The following MIA2 variants were observed in gnomAD, a reference collection of about 807,000 sequenced individuals.
The protein encoded by MIA2 is MIA SH3 domain ER export factor 2.
A neutral mutation model predicts 167.8 loss-of-function variants in MIA2; 127 were observed. The observed-to-expected ratio is 0.76, with a 90% CI of 0.66 to 0.88. The LOEUF is 0.88. Among genes scored for constraint, MIA2 ranks in the 40% least tolerant of loss-of-function variants. The probability of loss-of-function intolerance (pLI) is 0.00; values close to 1 mark genes in which losing one functional copy is unlikely to be tolerated. For missense variants in MIA2, 1,690 were observed against 1,624.7 expected, an observed-to-expected ratio of 1.04 and a Z score of -0.69; for synonymous variants, 552 against 541.9, an observed-to-expected ratio of 1.02 and a Z score of -0.26.
intron 6 of MIA2, among the ~76,000 whole-genome samples, chr14:39,274,794 T>G (rs2057704752): frequency 6.6e-6 from 1 of 151,316 alleles, no homozygotes; most frequent in South Asian, 2.1e-4. Flanking sequence ...TTTTATTTTA[T>G]TTTTTTAAAG....
In MIA2 at chr14:39,252,754, T is replaced by G. The variant is rs2054638026; in HGVS notation, c.1574T>G (p.Val525Gly). ...FKSSYSLSDM[V>G]SNIELPTRIH... ...TCTTTTTATTTATTTGTAGATATGG[T>G]CTCTAACATAGAGTTACCTACGAGA... Residue 525 changes from valine to glycine, a missense_variant, in exon 5 of 29, where the codon GTC becomes GGC. Coordinates refer to ENST00000640607, the MANE Select transcript of MIA2 (RefSeq NM_001329214.4). 1.9e-6 allele frequency: 3 copies of G among 1,604,264 alleles called. No individual in the cohort carries two copies. The East Asian group carries it at 6.7e-5, about 36-fold the overall frequency.
chr14:39,240,574 T>C lies in MIA2; in HGVS notation c.263T>C (p.Phe88Ser). The C allele has an allele frequency of 6.2e-7, 1 of 1,611,682 alleles. No individual in the cohort carries two copies. Among genetic ancestry groups the C allele is most frequent in the Non-Finnish European group, 8.5e-7 (1 of 1,178,146 alleles). ...TCATTTTGACAGAAAGGAAAGGAGT[T>C]TGGATATTTTCCCAGAGATGCAGTC... is the stretch of plus-strand genomic sequence containing the variant. ...DLWAGSKGKE[F>S]GYFPRDAVQI... The change falls in exon 3 of 29, where the codon TTT becomes TCT. Residue 88 changes from phenylalanine (F) to serine (S), a missense_variant. By Grantham distance (155) the Phe-to-Ser change is radical. Transcript: ENST00000640607.
intron 23 of MIA2, among the ~76,000 whole-genome samples, chr14:39,362,582 G>T (rs960485971): frequency 4.0e-5 from 6 of 151,316 alleles, no homozygotes; most frequent in Non-Finnish European, 8.8e-5. Context: ...TTTTTTCTTG[G>T]TTAGTCTAGC....
At chr14:39,256,155 G>A (rs573161226) in intron 6 of MIA2, among the ~76,000 whole-genome samples, 2 of 152,328 alleles carry the variant, frequency 1.3e-5, no homozygotes, top group South Asian at 4.1e-4. Flanking sequence ...GTTGGTTAGT[G>A]CTTGCTTACA....
rs185381778 is a variant in MIA2, at chr14:39,321,506, C to T, written c.3496+450C>T. Among the ~76,000 whole-genome samples the T allele has an allele frequency of 1.2e-3, 183 of 151,332 alleles. No individual in the cohort carries two copies. In the Middle Eastern group the frequency reaches 0.017, roughly 14 times the overall value. ...TTTTTTTTTGTATTTTTAGTAGAGACGGGGTTTCACCATGTTAGCCAGGAT... is the reference window on the plus strand; with the variant it reads ...TTTTTTTTTGTATTTTTAGTAGAGATGGGGTTTCACCATGTTAGCCAGGAT... On this transcript the variant is annotated intron_variant, in intron 24 of 28. Coordinates refer to ENST00000640607, the MANE Select transcript of MIA2 (RefSeq NM_001329214.4).
Position 39,298,541 on chromosome 14 carries a change from T to TG in MIA2, c.2497-1323_2497-1322insG, listed in dbSNP as rs1566804366. Among the ~76,000 whole-genome samples the TG allele has an allele frequency of 1.3e-4, 18 of 133,542 alleles. 1 individual carries two copies. The East Asian group carries it at 3.2e-3, about 24-fold the overall frequency. The allele number at this position is 133,542 out of a possible 152,430, so 87.6% of individuals were successfully genotyped here. On this transcript the variant is annotated intron_variant, in intron 13 of 28. Coordinates refer to ENST00000640607, the MANE Select transcript of MIA2 (RefSeq NM_001329214.4). ...TTTGGTAGAACAGAGTTTTTTTTTT[T>TG]TTTTTTTTTTTTTGTGAGCAACATG...
At chr14:39,365,157 C>A (rs1254360010) in intron 23 of MIA2, among the ~76,000 whole-genome samples, 1 of 152,032 alleles carries the variant, frequency 6.6e-6, no homozygotes. Flanking sequence ...CTTCCACCTC[C>A]CAAGTTCAAG....
At chr14:39,339,930 C>T (rs188118539) in intron 25 of MIA2, among the ~76,000 whole-genome samples, 90 of 152,302 alleles carry the variant, frequency 5.9e-4, no homozygotes, top group African/African-American at 2.1e-3. Flanking sequence ...ACTACAGCCT[C>T]GACCTCCTGG....
intron 25 of MIA2, among the ~76,000 whole-genome samples, chr14:39,337,395 A>G (rs1438347600): frequency 1.3e-5 from 2 of 152,182 alleles, no homozygotes; most frequent in African/African-American, 4.8e-5. Context: ...AAAATTCAGC[A>G]AGTATATAGA....
Position 39,276,927 on chromosome 14 carries a change from C to T in MIA2, c.1888-7C>T, listed in dbSNP as rs2058084520. On this transcript the variant is annotated splice_polypyrimidine_tract_variant and splice_region_variant and intron_variant, in intron 6 of 28. Transcript: ENST00000640607. ...TTTTTAAGAACTTACTTTTCTTTAT[C>T]TTGAAGGTTGTGGCAGCACTGCCTG... The T allele has an allele frequency of 6.2e-7, 1 of 1,606,968 alleles. No individual in the cohort carries two copies.
chr14:39,319,234 G>T lies in MIA2; in HGVS notation c.3310G>T (p.Glu1104Ter). ...ATTAACTGAAACAGAGCTTAAATTT[G>T]AACTTTTAGAAAAAGATCCTTATGC... The part of the protein sequence containing the change: ...QKLTETELKF[E>*]LLEKDPYALD... Residue 1104 changes from glutamate to a stop codon, truncating the protein, a stop_gained, in exon 23 of 29, where the codon GAA (glutamate) becomes TAA (stop). Transcript: ENST00000640607. LOFTEE classifies it high-confidence loss of function. 6.4e-7 allele frequency: 1 copy of T among 1,571,740 alleles called. No homozygotes were observed. The highest frequency in any genetic ancestry group is 1.2e-5 in the South Asian group (1 of 82,932).
intron 23 of MIA2, among the ~76,000 whole-genome samples, chr14:39,366,244 T>G (rs973731016): frequency 6.6e-6 from 1 of 152,020 alleles, no homozygotes; most frequent in Non-Finnish European, 1.5e-5. Context: ...TGCCTGTCCT[T>G]GGGTCTCTGG....
intron 6 of MIA2, chr14:39,266,731 G>A (rs960821548): frequency 2.0e-6 from 2 of 985,320 alleles, no homozygotes; most frequent in African/African-American, 3.5e-5. Context: ...GGGTCTCCCG[G>A]GGTACGCCGC....
intron 23 of MIA2, among the ~76,000 whole-genome samples, chr14:39,368,059 C>T (rs925647713): frequency 2.0e-5 from 3 of 152,048 alleles, no homozygotes; most frequent in African/African-American, 7.2e-5. Flanking sequence ...CTTTGGTGTT[C>T]TGACAATCAC....
chr14:39,378,691 TAAC>T (rs755321036), intron 23 of MIA2, among the ~76,000 whole-genome samples: 7 of 152,202 alleles, frequency 4.6e-5, no homozygotes, highest in Non-Finnish European at 8.8e-5. Context: ...CATATACTAA[TAAC>T]ACATTTATAT....
At chr14:39,246,870 AG>A in intron 3 of MIA2, 40 bp from the exon 4 acceptor site, 1 of 1,126,414 alleles carries the variant, frequency 8.9e-7, no homozygotes, top group Non-Finnish European at 1.2e-6. Flanking sequence ...AAGGAGCTCT[AG>A]TACATTCATG....
At chr14:39,272,934 T>C (rs180677449) in intron 6 of MIA2, among the ~76,000 whole-genome samples, 20 of 152,386 alleles carry the variant, frequency 1.3e-4, no homozygotes, top group African/African-American at 4.6e-4. Flanking sequence ...GTTTTCTTTA[T>C]TTCATTTTCA....
At chr14:39,238,177 G>GGTACAAGT (rs1555341915) in intron 2 of MIA2, among the ~76,000 whole-genome samples, 2 of 145,382 alleles carry the variant, frequency 1.4e-5, no homozygotes, top group Non-Finnish European at 3.0e-5. Context: ...AGGTGTACAA[G>GGTACAAGT]TTTTTTTTTT....
chr14:39,243,885 G>C (rs1173056150), intron 3 of MIA2, among the ~76,000 whole-genome samples: 1 of 152,120 alleles, frequency 6.6e-6, no homozygotes, highest in Non-Finnish European at 1.5e-5. Flanking sequence ...ACAGAAAAAA[G>C]AATGAAGACC....
Sources: allele counts gnomAD v4.1 joint callset (sites outside exome capture counted in the v4.1 genomes callset), GRCh38; gene constraint gnomAD v4.1.1; transcripts MANE v1.5; gene names NCBI Gene and HGNC (gene_info 2026-07-23, HGNC 2026-07-21).